EEF1D: variants seen among roughly 807,000 people sequenced by gnomAD.
The protein encoded by EEF1D is elongation factor 1-delta.
Under a neutral mutation model 63.9 loss-of-function variants are expected in EEF1D, and 47 were observed. The observed-to-expected ratio is 0.74, with a 90% CI of 0.58 to 0.94. EEF1D has a LOEUF of 0.94. Ranked by LOEUF, EEF1D falls within the 40% of genes least tolerant of loss-of-function variation. The pLI is 0.00. For missense variants in EEF1D, 907 were observed against 899.0 expected, an observed-to-expected ratio of 1.01 and a Z score of -0.11; for synonymous variants, 412 against 386.1, an observed-to-expected ratio of 1.07 and a Z score of -0.79.
chr8:143,585,799 C>A (rs537489808), intron 5 of EEF1D, among the ~76,000 whole-genome samples: 2 of 152,336 alleles, frequency 1.3e-5, no homozygotes, highest in Non-Finnish European at 2.9e-5. Context: ...CTCCTTGCGC[C>A]TTGCAGAACC....
rs1824935367 is a variant in EEF1D at position 143,579,801 on chromosome 8, G to A, written c.1935C>T (p.Asn645=). 2 of 1,564,862 alleles carry A rather than the reference G, an allele frequency of 1.3e-6. No homozygotes were observed. The highest frequency in any genetic ancestry group is 1.7e-6 in the Non-Finnish European group (2 of 1,153,120). Residue 645 remains asparagine, a synonymous_variant, in exon 10 of 10, where the codon AAC becomes AAT. Coordinates refer to ENST00000618139, the MANE Select transcript of EEF1D (RefSeq NM_001130053.5). The part of the protein sequence containing the change: ...HVQSVDIAAF[N]KI ...TACACACACTCAGGCTTCAGATCTT[G>A]TTGAAAGCTGCGATATCGACACTCT...
chr8:143,580,960 TCATCACTGCTGCTGGGGC>T, intron 7 of EEF1D, 76 bp downstream of exon 7: 1 of 1,388,270 alleles, frequency 7.2e-7, no homozygotes, highest in South Asian at 1.2e-5. Context: ...GGCTGCCAGC[TCATCACTGCTGCTGGGGC>T]CAGCCCACAG....
chr8:143,586,170 C>T (rs1301989224), intron 5 of EEF1D, 49 bp downstream of exon 5: 3 of 1,559,072 alleles, frequency 1.9e-6, no homozygotes, highest in South Asian at 1.2e-5. Context: ...ATCAGACATG[C>T]TGCTTGGCCG....
intron 5 of EEF1D, among the ~76,000 whole-genome samples, chr8:143,584,457 C>T (rs539823493): frequency 6.6e-6 from 1 of 151,718 alleles, no homozygotes; most frequent in African/African-American, 2.4e-5. Flanking sequence ...GTCTCAGCTA[C>T]TCGGGAGGCT....
Position 143,589,788 on chromosome 8 carries a change from G to A in EEF1D, c.294C>T (p.Pro98=), listed in dbSNP as rs773634871. 4.2e-5 allele frequency: 66 copies of A among 1,575,150 alleles called. No homozygotes were observed. The highest frequency in any genetic ancestry group is 3.0e-4 in the South Asian group (26 of 85,624). The change falls in exon 3 of 10, where the codon CCC becomes CCT. Residue 98 remains proline, a synonymous_variant. Transcript: ENST00000618139. The part of the protein sequence containing the change: ...RKRSPKSGLG[P]ADLALLGLSA... ...AGAGGCCCAGGAGGGCCAGGTCCGC[G>A]GGGCCGAGCCCGCTCTTGGGGGAGC...
At chr8:143,584,616 C>T (rs36168209) in intron 5 of EEF1D, among the ~76,000 whole-genome samples, 4,837 of 152,136 alleles carry the variant, frequency 0.032, 256 homozygotes, top group African/African-American at 0.11. Context: ...TCTTGAGCAC[C>T]CTGTTGGCAG....
In EEF1D at chr8:143,589,544, A is replaced by G; in HGVS notation, c.538T>C (p.Trp180Arg). 6.6e-7 allele frequency: 1 copy of G among 1,511,470 alleles called. No individual in the cohort carries two copies. The highest frequency in any genetic ancestry group is 8.9e-7 in the Non-Finnish European group (1 of 1,129,316). The allele number at this position is 1,511,470 out of a possible 1,614,324, so 93.6% of individuals were successfully genotyped here. ...FDQAERAFVEWSQALLLAPDG... is the reference protein window; with the variant it reads ...FDQAERAFVERSQALLLAPDG... ...GGGGCCAGCAACAGGGCCTGAGACC[A>G]CTCCACGAAGGCCCGCTCAGCCTGG... is the stretch of plus-strand genomic sequence containing the variant. The change falls in exon 3 of 10, where the codon TGG becomes CGG. Residue 180 changes from tryptophan to arginine, a missense_variant. Coordinates refer to ENST00000618139, the MANE Select transcript of EEF1D (RefSeq NM_001130053.5).
At position 143,581,126 on chromosome 8, in the gene EEF1D, G is replaced by A. The variant is rs372570173; in HGVS notation, c.1416C>T (p.Ser472=). ...GCACGTTCAGCCGGGCCTCCAGCTT[G>A]GAGATGGCCTGCTGCAGCTCCTGTA... ...GVVQELQQAI[S]KLEARLNVLE... is the part of the protein sequence containing the mutation. Residue 472 remains serine, a synonymous_variant, in exon 7 of 10, where the codon TCC becomes TCT. Transcript: ENST00000618139. 7 of 1,612,890 alleles carry A rather than the reference G, an allele frequency of 4.3e-6. No individual in the cohort carries two copies. The highest frequency in any genetic ancestry group is 1.3e-5 in the African/African-American group (1 of 74,944).
At chr8:143,591,797 TC>T (rs1404743884) in intron 2 of EEF1D, among the ~76,000 whole-genome samples, 1 of 152,204 alleles carries the variant, frequency 6.6e-6, no homozygotes, top group Non-Finnish European at 1.5e-5. Flanking sequence ...TCTTCTAACA[TC>T]CTTACCCAAC....
At chr8:143,584,481 C>T (rs1326778376) in intron 5 of EEF1D, among the ~76,000 whole-genome samples, 2 of 151,912 alleles carry the variant, frequency 1.3e-5, no homozygotes, top group African/African-American at 2.4e-5. Context: ...ACAGGAGAAT[C>T]GCTTGAACCC....
At position 143,589,787 on chromosome 8, in the gene EEF1D, CG is replaced by C; in HGVS notation, c.294del (p.Ala99ArgfsTer61). The C allele has an allele frequency of 6.4e-7, 1 of 1,573,740 alleles. No homozygotes were observed. Among genetic ancestry groups the C allele is most frequent in the Non-Finnish European group, 8.6e-7 (1 of 1,161,118 alleles). Reference protein sequence around the residue: ...RKRSPKSGLGPADLALLGLSA... With the variant: ...RKRSPKSGLGXADLALLGLSA... ...GAGAGGCCCAGGAGGGCCAGGTCCGCGGGGCCGAGCCCGCTCTTGGGGGAGC... is the reference window on the plus strand; with the variant it reads ...GAGAGGCCCAGGAGGGCCAGGTCCGCGGGCCGAGCCCGCTCTTGGGGGAGC... On this transcript the variant is annotated frameshift_variant, in exon 3 of 10. Transcript: ENST00000618139. LOFTEE classifies it high-confidence loss of function.
At chr8:143,585,385 G>C (rs534614668) in intron 5 of EEF1D, among the ~76,000 whole-genome samples, 1 of 152,170 alleles carries the variant, frequency 6.6e-6, no homozygotes, top group African/African-American at 2.4e-5. Flanking sequence ...ATCTGGGAGA[G>C]GCAAAGGAAC....
At chr8:143,580,991 C>T (rs771723972) in intron 7 of EEF1D, 63 bp downstream of exon 7, 258 of 1,549,322 alleles carry the variant, frequency 1.7e-4, no homozygotes, top group Middle Eastern at 4.6e-4. Flanking sequence ...GCCCACAGGG[C>T]GACGTGGAAG....
intron 9 of EEF1D, 66 bp downstream of exon 9, chr8:143,579,946 G>GAGTGC (rs1825004902): frequency 6.4e-7 from 1 of 1,567,646 alleles, no homozygotes; most frequent in South Asian, 1.2e-5. Flanking sequence ...CCGTGGGGTG[G>GAGTGC]AGTGCAGGGT....
chr8:143,594,509 C>A (rs1020117700), intron 1 of EEF1D: 1 of 152,534 alleles, frequency 6.6e-6, no homozygotes, highest in African/African-American at 2.4e-5. Flanking sequence ...GCCTGGAGGT[C>A]TCCACACATC....
intron 5 of EEF1D, among the ~76,000 whole-genome samples, chr8:143,585,711 G>A (rs936165513): frequency 2.0e-5 from 3 of 152,322 alleles, no homozygotes; most frequent in Non-Finnish European, 4.4e-5. Flanking sequence ...ATCTTGGCCC[G>A]GGGCCTGGAG....
chr8:143,589,798 C>T lies in EEF1D; in HGVS notation c.284G>A (p.Gly95Glu). 6.3e-7 allele frequency: 1 copy of T among 1,588,494 alleles called. No individual in the cohort carries two copies. The highest frequency in any genetic ancestry group is 8.6e-7 in the Non-Finnish European group (1 of 1,167,964). ...QKKRKRSPKS[G>E]LGPADLALLG... Reference sequence around the variant, plus strand: ...GAGGGCCAGGTCCGCGGGGCCGAGCCCGCTCTTGGGGGAGCGCTTCCTCTT... The same window carrying T: ...GAGGGCCAGGTCCGCGGGGCCGAGCTCGCTCTTGGGGGAGCGCTTCCTCTT... The change falls in exon 3 of 10, where the codon GGG becomes GAG. Residue 95 changes from glycine (G) to glutamate (E), a missense_variant. Coordinates refer to ENST00000618139, the MANE Select transcript of EEF1D (RefSeq NM_001130053.5).
intron 5 of EEF1D, among the ~76,000 whole-genome samples, chr8:143,584,789 G>A (rs1258237188): frequency 3.3e-5 from 5 of 152,148 alleles, no homozygotes; most frequent in Admixed American, 3.3e-4. Context: ...CCACACAGGA[G>A]CGCTCCCTTC....
chr8:143,586,340 A>G, intron 4 of EEF1D, 50 bp from the exon 5 acceptor site: 1 of 1,449,516 alleles, frequency 6.9e-7, no homozygotes, highest in Non-Finnish European at 9.2e-7. Flanking sequence ...TTAAAAAAGA[A>G]TTTAATTAAA....
Sources: allele counts gnomAD v4.1 joint callset (sites outside exome capture counted in the v4.1 genomes callset), GRCh38; gene constraint gnomAD v4.1.1; transcripts MANE v1.5; gene names NCBI Gene and HGNC (gene_info 2026-07-23, HGNC 2026-07-21).